The following LINGO2 variants were observed in gnomAD, a reference collection of about 807,000 sequenced individuals.
LINGO2 encodes the protein leucine-rich repeat and immunoglobulin-like domain-containing nogo receptor-interacting protein 2.
LINGO2 carries 14 observed loss-of-function variants against 30.6 expected under a neutral mutation model. That is an observed-to-expected ratio of 0.46 (90% CI 0.30 to 0.72). The LOEUF (loss-of-function observed/expected upper bound fraction) is 0.72. Ranked by LOEUF, LINGO2 falls within the 30% of genes least tolerant of loss-of-function variation. LINGO2 has a pLI of 0.07. For synonymous variants in LINGO2, 317 were observed against 288.5 expected, an observed-to-expected ratio of 1.10 and a Z score of -1.00; for missense variants, 729 against 751.7, an observed-to-expected ratio of 0.97 and a Z score of 0.35.
At chr9:28,271,170 AC>A (rs1587363664) in intron 4 of LINGO2, among the ~76,000 whole-genome samples, 1 of 151,674 alleles carries the variant, frequency 6.6e-6, no homozygotes, top group East Asian at 1.9e-4. Context: ...AAAAAAAAAC[AC>A]AAAAAACTTA....
At chr9:28,826,109 A>G in the LINGO2 span, among the ~76,000 whole-genome samples, 1 of 152,150 alleles carries the variant, frequency 6.6e-6, no homozygotes, top group African/African-American at 2.4e-5. Flanking sequence ...TAAAATGGGT[A>G]TTGAACTGTA....
chr9:28,767,643 G>A, the LINGO2 span, among the ~76,000 whole-genome samples: 15 of 151,798 alleles, frequency 9.9e-5, no homozygotes, highest in South Asian at 2.1e-4. Flanking sequence ...AAAATTAGCC[G>A]GGCGTGGTGG....
At chr9:29,044,284 T>C in the LINGO2 span, among the ~76,000 whole-genome samples, 1 of 152,012 alleles carries the variant, frequency 6.6e-6, no homozygotes, top group Non-Finnish European at 1.5e-5. Flanking sequence ...AGGGTAGGCA[T>C]ATGGTACAGG....
At chr9:29,056,785 T>C in the LINGO2 span, among the ~76,000 whole-genome samples, 1 of 152,140 alleles carries the variant, frequency 6.6e-6, no homozygotes, top group Non-Finnish European at 1.5e-5. Flanking sequence ...GATGTAGATC[T>C]TTCTACATTC....
chr9:29,037,836 A>AG, the LINGO2 span, among the ~76,000 whole-genome samples: 1 of 152,032 alleles, frequency 6.6e-6, no homozygotes, highest in East Asian at 1.9e-4. Flanking sequence ...TTGTAAAAAA[A>AG]TTAAACAATT....
the LINGO2 span, among the ~76,000 whole-genome samples, chr9:29,007,248 T>G: frequency 1.6e-4 from 24 of 152,202 alleles, no homozygotes; most frequent in Non-Finnish European, 3.1e-4. Context: ...GTTTTACTAC[T>G]CCCCAGTAAA....
At chr9:28,648,045 A>C (rs553740166) in intron 1 of LINGO2, among the ~76,000 whole-genome samples, 3 of 152,098 alleles carry the variant, frequency 2.0e-5, no homozygotes, top group East Asian at 1.9e-4. Flanking sequence ...CTTAAGCACA[A>C]GACAAGACAG....
chr9:28,809,638 C>T, the LINGO2 span, among the ~76,000 whole-genome samples: 1 of 149,342 alleles, frequency 6.7e-6, no homozygotes, highest in Admixed American at 6.8e-5. Context: ...TCCAGCTACT[C>T]GGGAAGCTGA....
chr9:28,936,078 A>G, the LINGO2 span, among the ~76,000 whole-genome samples: 3 of 152,248 alleles, frequency 2.0e-5, no homozygotes, highest in Admixed American at 6.5e-5. Flanking sequence ...AGGGAAATTT[A>G]TTTTGTGGGC....
At position 28,127,779 on chromosome 9, in the gene LINGO2, C is replaced by T. The variant is rs1827279817; in HGVS notation, c.-86-115374G>A. ...CCAGGTAGGAAAATAAAACTAGCAT[C>T]TTCACCTTTGATGCCGTTTTTGCTA... On this transcript the variant is annotated intron_variant, in intron 4 of 5. Transcript: ENST00000379992. Among the ~76,000 whole-genome samples the T allele has an allele frequency of 3.3e-5, 5 of 152,214 alleles. No homozygotes were observed. In the South Asian group the frequency reaches 1.0e-3, roughly 32 times the overall value.
the LINGO2 span, among the ~76,000 whole-genome samples, chr9:28,986,921 T>C: frequency 6.6e-6 from 1 of 151,978 alleles, no homozygotes; most frequent in Non-Finnish European, 1.5e-5. Flanking sequence ...AACATCTGTG[T>C]ATTTTATTTT....
intron 4 of LINGO2, among the ~76,000 whole-genome samples, chr9:28,049,408 A>AATGCTGGTATTTTG (rs1824568587): frequency 6.6e-6 from 1 of 150,774 alleles, no homozygotes; most frequent in Non-Finnish European, 1.5e-5. Flanking sequence ...AGGTAATAAA[A>AATGCTGGTATTTTG]CATATTAGAT....
At chr9:28,876,176 T>C in the LINGO2 span, among the ~76,000 whole-genome samples, 2 of 152,100 alleles carry the variant, frequency 1.3e-5, no homozygotes, top group East Asian at 3.8e-4. Context: ...TTAAGACATT[T>C]TCATATACAT....
At chr9:28,342,830 A>G (rs1032312821) in intron 3 of LINGO2, among the ~76,000 whole-genome samples, 1 of 152,154 alleles carries the variant, frequency 6.6e-6, no homozygotes, top group Non-Finnish European at 1.5e-5. Context: ...GAATGAAGAC[A>G]TTCTGTTAAG....
At chr9:28,713,116 G>A in the LINGO2 span, among the ~76,000 whole-genome samples, 1 of 151,928 alleles carries the variant, frequency 6.6e-6, no homozygotes, top group African/African-American at 2.4e-5. Flanking sequence ...AACCCGCCTC[G>A]GCCTCCTAAA....
the LINGO2 span, among the ~76,000 whole-genome samples, chr9:29,110,116 T>A: frequency 7.0e-6 from 1 of 142,538 alleles, no homozygotes; most frequent in Non-Finnish European, 1.5e-5. Context: ...AGTGCTTGTA[T>A]ATGCAAGACG....
chr9:28,237,837 G>C (rs1821633499), intron 4 of LINGO2, among the ~76,000 whole-genome samples: 1 of 152,044 alleles, frequency 6.6e-6, no homozygotes, highest in Non-Finnish European at 1.5e-5. Flanking sequence ...CTGGGCAACA[G>C]AGTGAGACTC....
At chr9:28,555,128 G>A (rs201658396) in intron 1 of LINGO2, among the ~76,000 whole-genome samples, 2,570 of 102,286 alleles carry the variant, frequency 0.025, no homozygotes, top group East Asian at 0.032. Context: ...CTAGCAGAAG[G>A]CAAGAAATAA....
At chr9:28,863,289 T>G in the LINGO2 span, among the ~76,000 whole-genome samples, 1 of 152,256 alleles carries the variant, frequency 6.6e-6, no homozygotes, top group Admixed American at 6.5e-5. Flanking sequence ...CAAAATGGTA[T>G]GCTTAGGATT....
Sources: allele counts gnomAD v4.1 joint callset (sites outside exome capture counted in the v4.1 genomes callset), GRCh38; gene constraint gnomAD v4.1.1; transcripts MANE v1.5; gene names NCBI Gene and HGNC (gene_info 2026-07-23, HGNC 2026-07-21).